The following KCNN3 variants were observed in gnomAD, a reference collection of about 807,000 sequenced individuals.
KCNN3 encodes the protein small conductance calcium-activated potassium channel protein 3.
In KCNN3, 16 loss-of-function variants were observed where a neutral mutation model predicts 62.9. The observed-to-expected ratio is 0.25, with a 90% CI of 0.17 to 0.39. The LOEUF is 0.39. Among genes scored for constraint, KCNN3 ranks in the 10% least tolerant of loss-of-function variants. KCNN3 has a pLI of 1.00. For missense variants in KCNN3, 599 were observed against 949.4 expected, an observed-to-expected ratio of 0.63 and a Z score of 4.85; for synonymous variants, 370 against 389.2, an observed-to-expected ratio of 0.95 and a Z score of 0.58.
intron 3 of KCNN3, among the ~76,000 whole-genome samples, chr1:154,770,559 A>T (rs1337118218): frequency 6.6e-6 from 1 of 152,180 alleles, no homozygotes; most frequent in Admixed American, 6.5e-5. Flanking sequence ...ATTACACAGG[A>T]TGCTTCACCA....
intron 3 of KCNN3, chr1:154,737,209 G>GC (rs988120826): frequency 3.2e-6 from 1 of 309,764 alleles, no homozygotes; most frequent in Non-Finnish European, 6.3e-6. Flanking sequence ...GAAAATTTGG[G>GC]GGGGGGGGAT....
At chr1:154,753,016 T>A (rs1397031569) in intron 3 of KCNN3, among the ~76,000 whole-genome samples, 1 of 152,092 alleles carries the variant, frequency 6.6e-6, no homozygotes, top group Admixed American at 6.5e-5. Flanking sequence ...TCTGAAATAA[T>A]GAAAAGCCTC....
rs1648333007 is a variant in KCNN3 at position 154,767,110 on chromosome 1, G to A, written c.1448+4865C>T. 2.6e-5 allele frequency among the ~76,000 whole-genome samples: 4 copies of A among 152,152 alleles called. No individual in the cohort carries two copies. In the South Asian group the frequency reaches 8.3e-4, roughly 32 times the overall value. On this transcript the variant is annotated intron_variant, in intron 3 of 7. Transcript: ENST00000271915. ...CTGGCAAGTGCAGGCCTGGGTGTCT[G>A]AGGCAGGGGCAGAAGAGAGTACAGC...
intron 2 of KCNN3, among the ~76,000 whole-genome samples, chr1:154,780,102 A>G (rs973899267): frequency 7.9e-5 from 12 of 151,940 alleles, no homozygotes; most frequent in African/African-American, 2.9e-4. Flanking sequence ...CAGCAGCCAC[A>G]TGGCACAGCC....
chr1:154,714,429 GGTGTGTGGGGGGTGT>G (rs1700174675), intron 6 of KCNN3, among the ~76,000 whole-genome samples: 1 of 118,872 alleles, frequency 8.4e-6, no homozygotes, highest in African/African-American at 3.1e-5. Context: ...TGGGATGTGT[GGTGTGTGGGGGGTGT>G]GTGTGTGGTG....
chr1:154,804,024 T>G (rs1034838035), intron 2 of KCNN3, among the ~76,000 whole-genome samples: 9 of 152,260 alleles, frequency 5.9e-5, no homozygotes, highest in Non-Finnish European at 8.8e-5. Flanking sequence ...TTTTGATTGC[T>G]GTCATTGCTC....
intron 3 of KCNN3, among the ~76,000 whole-genome samples, chr1:154,766,971 G>A (rs971523208): frequency 6.6e-5 from 10 of 152,116 alleles, no homozygotes; most frequent in African/African-American, 1.9e-4. Flanking sequence ...GTGAGCCACC[G>A]AGCCTGGCCA....
intron 5 of KCNN3, among the ~76,000 whole-genome samples, chr1:154,724,659 G>GTGGGGTGTCC (rs1282877425): frequency 6.6e-6 from 1 of 152,080 alleles, no homozygotes; most frequent in Non-Finnish European, 1.5e-5. Flanking sequence ...TTTCATCTCA[G>GTGGGGTGTCC]ACAATTCAGT....
intron 2 of KCNN3, among the ~76,000 whole-genome samples, chr1:154,780,683 A>C (rs1351740657): frequency 6.6e-6 from 1 of 151,772 alleles, no homozygotes; most frequent in Non-Finnish European, 1.5e-5. Context: ...TTACCATGGA[A>C]GCAACATCAA....
In KCNN3 at chr1:154,819,316, T is replaced by C. The variant is rs572485628; in HGVS notation, c.1029+2773A>G. On this transcript the variant is annotated intron_variant, in intron 2 of 7. Coordinates refer to ENST00000271915, the MANE Select transcript of KCNN3 (RefSeq NM_002249.6). Reference sequence around the variant, plus strand: ...CCGAGACCAAAAAGCTAAGTCAAGGTACGACCAGCTTTGGAAAAGAGTTAC... The same window carrying C: ...CCGAGACCAAAAAGCTAAGTCAAGGCACGACCAGCTTTGGAAAAGAGTTAC... Among the ~76,000 whole-genome samples the C allele has an allele frequency of 3.3e-5, 5 of 152,162 alleles. No individual in the cohort carries two copies. In the South Asian group the frequency reaches 1.0e-3, roughly 32 times the overall value.
chr1:154,820,603 C>G (rs959716348), intron 2 of KCNN3, among the ~76,000 whole-genome samples: 1 of 152,202 alleles, frequency 6.6e-6, no homozygotes, highest in African/African-American at 2.4e-5. Flanking sequence ...TGTCCTGTCT[C>G]GATTCCGTGG....
intron 1 of KCNN3, among the ~76,000 whole-genome samples, chr1:154,855,217 CAAAA>C (rs1652472637): frequency 9.3e-6 from 1 of 107,342 alleles, no homozygotes; most frequent in African/African-American, 3.2e-5. Flanking sequence ...GACTCTGTCT[CAAAA>C]TAAATAAATA....
At chr1:154,728,720 T>G in intron 4 of KCNN3, among the ~76,000 whole-genome samples, 1 of 149,906 alleles carries the variant, frequency 6.7e-6, no homozygotes, top group South Asian at 2.1e-4. Flanking sequence ...GGGCAGAAAA[T>G]GAGATGGGGA....
intron 1 of KCNN3, among the ~76,000 whole-genome samples, chr1:154,834,325 G>A (rs1293446368): frequency 6.6e-6 from 1 of 152,250 alleles, no homozygotes; most frequent in Non-Finnish European, 1.5e-5. Context: ...CCACCAGCCT[G>A]TACAGGGCTT....
chr1:154,819,468 C>T (rs1262373112), intron 2 of KCNN3, among the ~76,000 whole-genome samples: 1 of 152,166 alleles, frequency 6.6e-6, no homozygotes, highest in Non-Finnish European at 1.5e-5. Context: ...ATAACTGTCC[C>T]TGAGGTAGGG....
At position 154,773,564 on chromosome 1, in the gene KCNN3, T is replaced by A. The variant is rs183889030; in HGVS notation, c.1030-1171A>T. ...GCCCTCAACCTGTGGGAGCCAACAC[T>A]AACTCCAGGCGGACAATCAGGCTTG... On this transcript the variant is annotated intron_variant, in intron 2 of 7. Transcript: ENST00000271915. 2.1e-3 allele frequency among the ~76,000 whole-genome samples: 320 copies of A among 152,286 alleles called. 2 individuals are homozygous for A. Among genetic ancestry groups the A allele is most frequent in the Admixed American group, 2.7e-3 (41 of 15,298 alleles).
rs1699949442 is a variant in KCNN3, at chr1:154,705,472, T to C, written c.*2504A>G. 6.7e-6 allele frequency: 1 copy of C among 149,134 alleles called. No individual in the cohort carries two copies. The allele number at this position is 149,134 out of a possible 1,614,324, so 9.2% of individuals were successfully genotyped here. A position where few individuals can be genotyped will look rare whatever the true frequency, so the allele number is the denominator to read the frequency against. ...CCAATAGGTCAATTCATGCTACAAATGTCCATGTGTTTCTAGGATGCCAGT... is the reference window on the plus strand; with the variant it reads ...CCAATAGGTCAATTCATGCTACAAACGTCCATGTGTTTCTAGGATGCCAGT... On this transcript the variant is annotated 3_prime_UTR_variant, in exon 8 of 8. Transcript: ENST00000271915.
intron 3 of KCNN3, among the ~76,000 whole-genome samples, chr1:154,738,262 C>A (rs1425181577): frequency 2.0e-5 from 3 of 152,080 alleles, no homozygotes; most frequent in African/African-American, 7.2e-5. Context: ...TACAAAGAAC[C>A]AGAAATTACA....
In KCNN3 at chr1:154,864,003, G is replaced by A. The variant is rs545833146; in HGVS notation, c.933+5029C>T. Among the ~76,000 whole-genome samples the A allele has an allele frequency of 3.3e-5, 5 of 152,330 alleles. No individual in the cohort carries two copies. The East Asian group carries it at 5.8e-4, about 18-fold the overall frequency. On this transcript the variant is annotated intron_variant, in intron 1 of 7. Transcript: ENST00000271915. ...ATAAATAAAGTCACCACCACCCTGG[G>A]GCGGGTGGCGGAGAAGGCCATTTTC...
Sources: allele counts gnomAD v4.1 joint callset (sites outside exome capture counted in the v4.1 genomes callset), GRCh38; gene constraint gnomAD v4.1.1; transcripts MANE v1.5; gene names NCBI Gene and HGNC (gene_info 2026-07-23, HGNC 2026-07-21).